The following GRID1 variants were observed in gnomAD, a reference collection of about 807,000 sequenced individuals.
The protein encoded by GRID1 is glutamate receptor ionotropic, delta-1.
In GRID1, 28 loss-of-function variants were observed where a neutral mutation model predicts 98.0. The ratio of observed to expected loss-of-function variants is 0.29; its 90% CI spans 0.21 to 0.39. The LOEUF (loss-of-function observed/expected upper bound fraction) is 0.39. Among genes scored for constraint, GRID1 ranks in the 10% least tolerant of loss-of-function variants. The pLI is 1.00. For synonymous variants in GRID1, 553 were observed against 538.5 expected (o/e 1.03, Z -0.37); for missense variants, 1,111 against 1,340.5 (o/e 0.83, Z 2.67).
chr10:85,606,504 A>C (rs1196747508), intron 15 of GRID1: 1 of 152,220 alleles, frequency 6.6e-6, no homozygotes, highest in Non-Finnish European at 1.5e-5. Context: ...TAACTGCAGC[A>C]AATGACTCCT....
intron 4 of GRID1, among the ~76,000 whole-genome samples, chr10:86,092,441 T>A (rs1309950148): frequency 6.6e-6 from 1 of 152,024 alleles, no homozygotes; most frequent in Non-Finnish European, 1.5e-5. Flanking sequence ...GATAGAAGAC[T>A]AAGAAAATAT....
At chr10:85,796,748 C>T (rs1191451497) in intron 8 of GRID1, among the ~76,000 whole-genome samples, 1 of 150,822 alleles carries the variant, frequency 6.6e-6, no homozygotes, top group African/African-American at 2.4e-5. Context: ...TGACATCAGA[C>T]TTTTCAAGAG....
At chr10:86,010,814 CAAAA>C (rs58304694) in intron 4 of GRID1, among the ~76,000 whole-genome samples, 1 of 114,544 alleles carries the variant, frequency 8.7e-6, no homozygotes, top group Admixed American at 9.0e-5. Context: ...ACTATGTCTC[CAAAA>C]AAAAAAAAAA....
intron 4 of GRID1, among the ~76,000 whole-genome samples, chr10:85,917,220 G>A (rs768802803): frequency 6.6e-6 from 1 of 152,048 alleles, no homozygotes; most frequent in Non-Finnish European, 1.5e-5. Context: ...GAGCCAGGCT[G>A]ACTATGAACC....
chr10:85,770,396 T>C (rs1485753344), intron 8 of GRID1, among the ~76,000 whole-genome samples: 1 of 151,678 alleles, frequency 6.6e-6, no homozygotes, highest in South Asian at 2.1e-4. Flanking sequence ...GCAGAAAAAC[T>C]GGAAACTAAA....
At chr10:86,038,859 G>A (rs1843307049) in intron 4 of GRID1, among the ~76,000 whole-genome samples, 1 of 152,158 alleles carries the variant, frequency 6.6e-6, no homozygotes, top group Non-Finnish European at 1.5e-5. Context: ...AAGTAGGGGA[G>A]TCATCTCACA....
rs533901550 is a variant in GRID1 at position 86,087,813 on chromosome 10, AC to A, written c.726+51005del. Reference sequence around the variant, plus strand: ...TCCCTCCCAGCCCGCAACCACTGAGACCCCACCGTGCAAAGGCAGCCTAAGT... The same window carrying A: ...TCCCTCCCAGCCCGCAACCACTGAGACCCACCGTGCAAAGGCAGCCTAAGT... On this transcript the variant is annotated intron_variant, in intron 4 of 15. Coordinates refer to ENST00000327946, the MANE Select transcript of GRID1 (RefSeq NM_017551.3). Among the ~76,000 whole-genome samples the A allele has an allele frequency of 1.7e-4, 26 of 152,008 alleles. No individual in the cohort carries two copies. The South Asian group carries it at 5.2e-3, about 31-fold the overall frequency.
chr10:86,204,451 G>T (rs970491788), intron 3 of GRID1, among the ~76,000 whole-genome samples: 3 of 152,214 alleles, frequency 2.0e-5, no homozygotes, highest in Non-Finnish European at 4.4e-5. Context: ...AGGGCAGGAC[G>T]AGCATGTCTG....
intron 5 of GRID1, among the ~76,000 whole-genome samples, chr10:85,913,419 G>T (rs576222916): frequency 6.6e-6 from 1 of 152,200 alleles, no homozygotes; most frequent in Non-Finnish European, 1.5e-5. Context: ...AATGACAACC[G>T]CCACACAGGG....
intron 8 of GRID1, among the ~76,000 whole-genome samples, chr10:85,743,330 A>C (rs2132676066): frequency 6.6e-6 from 1 of 152,280 alleles, no homozygotes; most frequent in South Asian, 2.1e-4. Context: ...AGTGTCATTG[A>C]GTGACTTTAG....
At position 86,365,211 on chromosome 10, in the gene GRID1, G is replaced by C. The variant is rs1299359482; in HGVS notation, c.79+1103C>G. Among the ~76,000 whole-genome samples, 1 of 152,108 alleles carries C rather than the reference G, an allele frequency of 6.6e-6. No individual in the cohort carries two copies. Among genetic ancestry groups the C allele is most frequent in the African/African-American group, 2.4e-5 (1 of 41,440 alleles). On this transcript the variant is annotated intron_variant, in intron 1 of 15. Transcript: ENST00000327946. This position sits in a 1 kb window ranked among gnomAD's most constrained non-coding sequence, Gnocchi z 4.8. ...CTGAGGAGGAATCGTAGCTCTCCGA[G>C]CCCAGGCCTAGTCCTCACCACCCCA...
At chr10:85,884,981 C>G (rs1452593534) in intron 5 of GRID1, among the ~76,000 whole-genome samples, 1 of 152,100 alleles carries the variant, frequency 6.6e-6, no homozygotes, top group African/African-American at 2.4e-5. Flanking sequence ...AAAAAAGACT[C>G]TTTTATTGCC....
chr10:86,070,228 G>A (rs1025576398), intron 4 of GRID1, among the ~76,000 whole-genome samples: 13 of 152,196 alleles, frequency 8.5e-5, no homozygotes, highest in African/African-American at 3.1e-4. Flanking sequence ...GGGCTAACCA[G>A]AGGAGTAACA....
chr10:85,818,443 A>G (rs1842734934), intron 8 of GRID1, among the ~76,000 whole-genome samples: 1 of 152,208 alleles, frequency 6.6e-6, no homozygotes, highest in South Asian at 2.1e-4. Flanking sequence ...AGGTCCAAGA[A>G]GCAGTGATAG....
chr10:85,818,077 A>G lies in GRID1; in HGVS notation c.1233+36419T>C, dbSNP rs901761199. ...GTTGGTAAATTTGGTTCTCACATGC[A>G]TGCTGATTAGCAGTTCTGATACTCC... On this transcript the variant is annotated intron_variant, in intron 8 of 15. Coordinates refer to ENST00000327946, the MANE Select transcript of GRID1 (RefSeq NM_017551.3). 2.6e-5 allele frequency among the ~76,000 whole-genome samples: 4 copies of G among 152,332 alleles called. 1 individual carries two copies. Among genetic ancestry groups the G allele is most frequent in the African/African-American group, 9.6e-5 (4 of 41,582 alleles).
At chr10:86,220,763 A>G (rs887743270) in intron 2 of GRID1, among the ~76,000 whole-genome samples, 12 of 151,970 alleles carry the variant, frequency 7.9e-5, no homozygotes, top group Non-Finnish European at 1.6e-4. Context: ...GCTTTCCAAC[A>G]CCTCATCGCC....
intron 4 of GRID1, among the ~76,000 whole-genome samples, chr10:86,051,561 T>C (rs1843503154): frequency 6.7e-6 from 1 of 150,176 alleles, no homozygotes; most frequent in Non-Finnish European, 1.5e-5. Flanking sequence ...TTTCAACACA[T>C]GCCAAAAATC....
chr10:85,781,106 T>A lies in GRID1; in HGVS notation c.1234-51492A>T, dbSNP rs376790812. Among the ~76,000 whole-genome samples, 7 of 152,312 alleles carry A rather than the reference T, an allele frequency of 4.6e-5. No individual in the cohort carries two copies. In the South Asian group the frequency reaches 1.2e-3, roughly 27 times the overall value. On this transcript the variant is annotated intron_variant, in intron 8 of 15. Transcript: ENST00000327946. ...CAATCTCTACAGAGTTTTGGAGGGCTCGCCTGATCTCCCCAACCAGAAGGG... is the reference window on the plus strand; with the variant it reads ...CAATCTCTACAGAGTTTTGGAGGGCACGCCTGATCTCCCCAACCAGAAGGG...
chr10:86,142,761 C>T (rs1845028293), intron 3 of GRID1, among the ~76,000 whole-genome samples: 1 of 152,240 alleles, frequency 6.6e-6, no homozygotes, highest in South Asian at 2.1e-4. Context: ...CCATGTGGCC[C>T]CAGGGACCTT....
Sources: gnomAD v4.1 joint callset for allele counts (sites outside exome capture counted in the v4.1 genomes callset) on GRCh38, gnomAD v4.1.1 for gene constraint, Gnocchi (gnomAD v3.1) non-coding constraint, MANE v1.5 for transcripts, NCBI Gene and HGNC (gene_info 2026-07-23, HGNC 2026-07-21) for gene names.